CA10: variants seen among roughly 807,000 people sequenced by gnomAD.
The protein encoded by CA10 is carbonic anhydrase 10 (inactive).
Under a neutral mutation model 44.2 loss-of-function variants are expected in CA10, and 14 were observed. That is an observed-to-expected ratio of 0.32 (90% CI 0.21 to 0.50). The LOEUF (loss-of-function observed/expected upper bound fraction) is 0.50, where lower values mean the gene tolerates loss of function less well. Ranked by LOEUF, CA10 falls within the 20% of genes least tolerant of loss-of-function variation. CA10 has a pLI of 0.99. For missense variants in CA10, 350 were observed against 409.7 expected (o/e 0.85, Z 1.26); for synonymous variants, 159 against 141.6 (o/e 1.12, Z -0.87).
intron 3 of CA10, among the ~76,000 whole-genome samples, chr17:51,786,751 C>T (rs1906302717): frequency 6.6e-6 from 1 of 151,850 alleles, no homozygotes; most frequent in Non-Finnish European, 1.5e-5. Context: ...TTGTTATGTT[C>T]CAGTTCTTGG....
chr17:51,946,323 G>A (rs1263576427), intron 2 of CA10, among the ~76,000 whole-genome samples: 2 of 152,182 alleles, frequency 1.3e-5, no homozygotes, highest in African/African-American at 2.4e-5. Context: ...AAATAAGTGT[G>A]TGAGGTAAGA....
At chr17:51,635,729 C>T in intron 7 of CA10, 126 bp downstream of exon 7, 3 of 653,634 alleles carry the variant, frequency 4.6e-6, no homozygotes, top group South Asian at 3.0e-5. Context: ...TTAGTTTAAA[C>T]TACCCAGTTT....
At chr17:52,151,863 G>A (rs1989709534) in intron 1 of CA10, among the ~76,000 whole-genome samples, 1 of 152,092 alleles carries the variant, frequency 6.6e-6, no homozygotes, top group Admixed American at 6.6e-5. Flanking sequence ...CAAACAGAGA[G>A]TGAATCCCAA....
intron 2 of CA10, among the ~76,000 whole-genome samples, chr17:52,006,251 C>A (rs1985593212): frequency 6.6e-6 from 1 of 151,618 alleles, no homozygotes; most frequent in Non-Finnish European, 1.5e-5. Flanking sequence ...TCTATTCTGT[C>A]CCTTTGTTCC....
In CA10 at chr17:52,158,064, C is replaced by G; in HGVS notation, c.-278G>C. On this transcript the variant is annotated 5_prime_UTR_variant, in exon 1 of 9. Coordinates refer to ENST00000451037, the MANE Select transcript of CA10 (RefSeq NM_020178.5). Reference sequence around the variant, plus strand: ...CTTGGAGGTCTCCCCGCTCGCGTGTCTCTTCTCTTCGCACCAGCGGCGGAA... The same window carrying G: ...CTTGGAGGTCTCCCCGCTCGCGTGTGTCTTCTCTTCGCACCAGCGGCGGAA... 1 of 537,670 alleles carries G rather than the reference C, an allele frequency of 1.9e-6. No homozygotes were observed. Among genetic ancestry groups the G allele is most frequent in the Non-Finnish European group, 3.3e-6 (1 of 300,744 alleles). The allele number at this position is 537,670 out of a possible 1,614,324, so 33.3% of individuals were successfully genotyped here.
At chr17:52,066,047 C>T (rs1242279270) in intron 2 of CA10, among the ~76,000 whole-genome samples, 2 of 152,158 alleles carry the variant, frequency 1.3e-5, no homozygotes, top group East Asian at 3.8e-4. Context: ...TTCATGAGGC[C>T]TCCCCAGCCA....
chr17:51,898,282 T>C (rs1981159687), intron 3 of CA10, among the ~76,000 whole-genome samples: 1 of 152,158 alleles, frequency 6.6e-6, no homozygotes, highest in Non-Finnish European at 1.5e-5. Context: ...TTGAATTTTA[T>C]TGAAAGCCTT....
chr17:51,636,803 G>GTGTGTC (rs1018179797), intron 6 of CA10, among the ~76,000 whole-genome samples: 1 of 151,682 alleles, frequency 6.6e-6, no homozygotes, highest in Admixed American at 6.6e-5. Flanking sequence ...GTGTGTGTGT[G>GTGTGTC]TGTGTGTGTA....
intron 3 of CA10, among the ~76,000 whole-genome samples, chr17:51,887,614 A>C (rs534683374): frequency 6.6e-6 from 1 of 152,308 alleles, no homozygotes; most frequent in South Asian, 2.1e-4. Context: ...CCACATCTGC[A>C]CAATGCGAAC....
In CA10 at chr17:51,886,911, G is replaced by A. The variant is rs150369022; in HGVS notation, c.279+44079C>T. ...CCTGGACTTATGCCATTAGCTCCCC[G>A]TGTGCACCCTGCTCCATTCTCACGC... On this transcript the variant is annotated intron_variant, in intron 3 of 8. Transcript: ENST00000451037. Among the ~76,000 whole-genome samples, 48 of 151,954 alleles carry A rather than the reference G, an allele frequency of 3.2e-4. No homozygotes were observed. The East Asian group carries it at 6.8e-3, about 21-fold the overall frequency.
intron 3 of CA10, among the ~76,000 whole-genome samples, chr17:51,862,905 T>A (rs536237584): frequency 4.3e-4 from 66 of 152,210 alleles, no homozygotes; most frequent in African/African-American, 1.4e-3. Flanking sequence ...TAACCCTAAT[T>A]ATCTACCAAA....
chr17:51,744,701 T>C (rs1904609233), intron 4 of CA10, among the ~76,000 whole-genome samples: 1 of 152,204 alleles, frequency 6.6e-6, no homozygotes, highest in Non-Finnish European at 1.5e-5. Flanking sequence ...CTGTATCGTT[T>C]TCATCGTTAG....
intron 2 of CA10, among the ~76,000 whole-genome samples, chr17:52,024,061 C>T (rs921453120): frequency 6.6e-6 from 1 of 152,014 alleles, no homozygotes; most frequent in African/African-American, 2.4e-5. Flanking sequence ...TGACTCCTAC[C>T]TTATTCTGCA....
intron 4 of CA10, among the ~76,000 whole-genome samples, chr17:51,677,771 G>C (rs1914678823): frequency 6.6e-6 from 1 of 152,084 alleles, no homozygotes; most frequent in Non-Finnish European, 1.5e-5. Context: ...GAACTATTTT[G>C]TGAACTCTTC....
intron 3 of CA10, among the ~76,000 whole-genome samples, chr17:51,907,378 C>T (rs368891280): frequency 6.6e-6 from 1 of 152,058 alleles, no homozygotes; most frequent in Non-Finnish European, 1.5e-5. Context: ...GGGGCCTTCC[C>T]GGCTGCCCCA....
chr17:52,154,898 G>C (rs1445172687), intron 1 of CA10, among the ~76,000 whole-genome samples: 3 of 152,142 alleles, frequency 2.0e-5, no homozygotes, highest in Admixed American at 6.5e-5. Flanking sequence ...GCCAAGCCCA[G>C]GTGTCTGTAC....
rs893603583 is a variant in CA10 at position 51,874,007 on chromosome 17, C to T, written c.279+56983G>A. On this transcript the variant is annotated intron_variant, in intron 3 of 8. Coordinates refer to ENST00000451037, the MANE Select transcript of CA10 (RefSeq NM_020178.5). ...GTGTGTTCTTAATAAATCTGAGTTC[C>T]TTTTCTTCCCAGACTTGTCAACCCT... is the stretch of plus-strand genomic sequence containing the variant. 2.6e-5 allele frequency among the ~76,000 whole-genome samples: 4 copies of T among 152,194 alleles called. No homozygotes were observed. In the East Asian group the frequency reaches 7.7e-4, roughly 29 times the overall value.
At chr17:51,927,442 T>C (rs1982478265) in intron 3 of CA10, among the ~76,000 whole-genome samples, 1 of 152,174 alleles carries the variant, frequency 6.6e-6, no homozygotes, top group Non-Finnish European at 1.5e-5. Flanking sequence ...CTATGTGCCA[T>C]ATTTCCTTCC....
At position 51,888,922 on chromosome 17, in the gene CA10, C is replaced by T. The variant is rs909110678; in HGVS notation, c.279+42068G>A. 1.9e-3 allele frequency among the ~76,000 whole-genome samples: 283 copies of T among 152,052 alleles called. 4 individuals are homozygous for T. The highest frequency in any genetic ancestry group is 4.3e-4 in the Non-Finnish European group (29 of 68,018). ...ACTTGGGGATCTTTAATATGGTTGTCGTCTGGAGATACATTATGTGAAGGT... is the reference window on the plus strand; with the variant it reads ...ACTTGGGGATCTTTAATATGGTTGTTGTCTGGAGATACATTATGTGAAGGT... On this transcript the variant is annotated intron_variant, in intron 3 of 8. Transcript: ENST00000451037.
Sources: allele counts gnomAD v4.1 joint callset (sites outside exome capture counted in the v4.1 genomes callset), GRCh38; gene constraint gnomAD v4.1.1; transcripts MANE v1.5; gene names NCBI Gene and HGNC (gene_info 2026-07-23, HGNC 2026-07-21).